The following SLC7A14 variants were observed in gnomAD, a reference collection of about 807,000 sequenced individuals.
SLC7A14 encodes gamma-aminobutyric acid transporter SLC7A14.
A neutral mutation model predicts 60.2 loss-of-function variants in SLC7A14; 37 were observed. That is an observed-to-expected ratio of 0.61 (90% CI 0.47 to 0.81). The LOEUF is 0.81. SLC7A14 is among the 30% of genes least tolerant of loss of function. The pLI is 0.00. For synonymous variants in SLC7A14, 399 were observed against 395.8 expected (o/e 1.01, Z -0.10); for missense variants, 886 against 982.7 (o/e 0.90, Z 1.32).
At chr3:170,468,917 C>T (rs1283183621) in intron 7 of SLC7A14, among the ~76,000 whole-genome samples, 1 of 152,164 alleles carries the variant, frequency 6.6e-6, no homozygotes, top group East Asian at 1.9e-4. Context: ...CTCTGATACC[C>T]TAGCCCCATC....
intron 4 of SLC7A14, chr3:170,496,107 C>T: frequency 9.0e-7 from 1 of 1,112,082 alleles, no homozygotes; most frequent in South Asian, 1.3e-5. Context: ...CTTCCTCAGG[C>T]AACTGCATGA....
chr3:170,469,704 T>A (rs1739828761), intron 7 of SLC7A14, among the ~76,000 whole-genome samples: 1 of 152,160 alleles, frequency 6.6e-6, no homozygotes, highest in Non-Finnish European at 1.5e-5. Flanking sequence ...CCATCTTTTC[T>A]TCTAGACACC....
chr3:170,562,303 A>G (rs1577564432), intron 1 of SLC7A14, among the ~76,000 whole-genome samples: 1 of 152,320 alleles, frequency 6.6e-6, no homozygotes, highest in Middle Eastern at 3.4e-3. Flanking sequence ...ATGGAATACT[A>G]CTCAGCCATA....
intron 1 of SLC7A14, among the ~76,000 whole-genome samples, chr3:170,577,566 C>T (rs987676464): frequency 7.0e-6 from 1 of 143,498 alleles, no homozygotes; most frequent in African/African-American, 2.6e-5. Flanking sequence ...TGCAGTGAGC[C>T]GAGATTGCGC....
chr3:170,571,619 A>C (rs1714958002), intron 1 of SLC7A14, among the ~76,000 whole-genome samples: 1 of 152,194 alleles, frequency 6.6e-6, no homozygotes, highest in Non-Finnish European at 1.5e-5. Context: ...TTACTCAAGA[A>C]AATGGTTCCT....
chr3:170,476,638 A>G (rs1460067272), intron 7 of SLC7A14: 2 of 152,240 alleles, frequency 1.3e-5, no homozygotes, highest in Non-Finnish European at 2.9e-5. Context: ...ATACTTGTGG[A>G]CAATGAATCA....
At chr3:170,476,229 C>G (rs1417981784) in intron 7 of SLC7A14, among the ~76,000 whole-genome samples, 1 of 152,178 alleles carries the variant, frequency 6.6e-6, no homozygotes, top group African/African-American at 2.4e-5. Context: ...AGAAGCAACC[C>G]AGGGTGATAC....
chr3:170,520,944 A>G (rs1214469412), intron 2 of SLC7A14, among the ~76,000 whole-genome samples: 1 of 152,188 alleles, frequency 6.6e-6, no homozygotes, highest in African/African-American at 2.4e-5. Context: ...TCCTGCCTCC[A>G]CCCTTCAGTC....
chr3:170,505,225 C>A (rs1450295374), intron 2 of SLC7A14, among the ~76,000 whole-genome samples: 1 of 151,962 alleles, frequency 6.6e-6, no homozygotes, highest in Non-Finnish European at 1.5e-5. Context: ...TTTTGGAAGA[C>A]CATCATCAAC....
intron 1 of SLC7A14, among the ~76,000 whole-genome samples, chr3:170,553,293 C>T (rs1714399572): frequency 6.6e-6 from 1 of 152,170 alleles, no homozygotes; most frequent in African/African-American, 2.4e-5. Context: ...TATGTTCTTA[C>T]ACCTTAGGAA....
intron 7 of SLC7A14, among the ~76,000 whole-genome samples, chr3:170,469,043 G>A (rs1158531812): frequency 1.3e-5 from 2 of 152,162 alleles, no homozygotes; most frequent in African/African-American, 4.8e-5. Flanking sequence ...TGTGCCTGAT[G>A]GGCACAGTGT....
chr3:170,505,819 T>G (rs1482804337), intron 2 of SLC7A14, among the ~76,000 whole-genome samples: 2 of 151,072 alleles, frequency 1.3e-5, no homozygotes, highest in African/African-American at 2.4e-5. Context: ...ACCTGGGAGG[T>G]GGAGGTTGCA....
intron 3 of SLC7A14, 69 bp from the exon 4 acceptor site, chr3:170,498,953 C>A: frequency 2.1e-6 from 3 of 1,449,686 alleles, no homozygotes; most frequent in Non-Finnish European, 2.9e-6. Flanking sequence ...CCTGGTCCTA[C>A]CCCACTGCAT....
At chr3:170,549,207 C>A (rs940186269) in intron 1 of SLC7A14, among the ~76,000 whole-genome samples, 6 of 141,624 alleles carry the variant, frequency 4.2e-5, no homozygotes, top group South Asian at 4.5e-4. Context: ...GGGACACCGG[C>A]CTTCTTCTTT....
At chr3:170,518,227 A>T (rs1465544581) in intron 2 of SLC7A14, among the ~76,000 whole-genome samples, 1 of 152,202 alleles carries the variant, frequency 6.6e-6, no homozygotes, top group African/African-American at 2.4e-5. Context: ...ACACGCAAAG[A>T]TGAGATCTAG....
Position 170,578,245 on chromosome 3 carries a change from C to T in SLC7A14, c.-153+7666G>A, listed in dbSNP as rs79630865. 4.7e-3 allele frequency among the ~76,000 whole-genome samples: 719 copies of T among 152,378 alleles called. 7 individuals carry two copies. The highest frequency in any genetic ancestry group is 0.017 in the African/African-American group (691 of 41,598). On this transcript the variant is annotated intron_variant, in intron 1 of 7. Transcript: ENST00000231706. ...CATGCAGCCACCTGCACAGCACCAA[C>T]ATTCAATGCTGAATCACGTAAACAA... is the stretch of plus-strand genomic sequence containing the variant.
chr3:170,581,782 G>A (rs1715243917), intron 1 of SLC7A14, among the ~76,000 whole-genome samples: 1 of 152,012 alleles, frequency 6.6e-6, no homozygotes, highest in African/African-American at 2.4e-5. Flanking sequence ...GATAGTTATG[G>A]CAATTCTCAT....
intron 1 of SLC7A14, among the ~76,000 whole-genome samples, chr3:170,572,412 A>T (rs747244030): frequency 1.3e-5 from 2 of 152,222 alleles, no homozygotes; most frequent in African/African-American, 2.4e-5. Context: ...ACTTTATATG[A>T]TTAAATGAGT....
intron 7 of SLC7A14, among the ~76,000 whole-genome samples, chr3:170,476,048 T>C (rs1711602126): frequency 6.6e-6 from 1 of 152,298 alleles, no homozygotes; most frequent in African/African-American, 2.4e-5. Context: ...CCCGATGACA[T>C]TGATGCTGCT....
Sources: gnomAD v4.1 joint callset for allele counts (sites outside exome capture counted in the v4.1 genomes callset) on GRCh38, gnomAD v4.1.1 for gene constraint, MANE v1.5 for transcripts, NCBI Gene and HGNC (gene_info 2026-07-23, HGNC 2026-07-21) for gene names.